FRMD4A: variants seen among roughly 807,000 people sequenced by gnomAD.
FRMD4A encodes FERM domain-containing protein 4A.
A neutral mutation model predicts 129.1 loss-of-function variants in FRMD4A; 29 were observed. The ratio of observed to expected loss-of-function variants is 0.22; its 90% CI spans 0.17 to 0.31. The LOEUF (loss-of-function observed/expected upper bound fraction) is 0.31, where lower values mean the gene tolerates loss of function less well. Ranked by LOEUF, FRMD4A falls within the 10% of genes least tolerant of loss-of-function variation. The pLI, the probability that FRMD4A is intolerant of heterozygous loss-of-function variation, is 1.00. For synonymous variants in FRMD4A, 634 were observed against 571.6 expected (o/e 1.11, Z -1.56); for missense variants, 1,272 against 1,375.8 (o/e 0.92, Z 1.19).
At chr10:13,760,262 C>T (rs1025957235) in intron 8 of FRMD4A, among the ~76,000 whole-genome samples, 1 of 152,016 alleles carries the variant, frequency 6.6e-6, no homozygotes, top group Admixed American at 6.6e-5. Context: ...AAAAGCTCGC[C>T]GATCCTTGTT....
At chr10:13,830,044 C>G (rs1215274488) in intron 3 of FRMD4A, among the ~76,000 whole-genome samples, 1 of 152,216 alleles carries the variant, frequency 6.6e-6, no homozygotes, top group Admixed American at 6.5e-5. Flanking sequence ...CCCACATGCC[C>G]TAGCTCTCTC....
At chr10:14,050,902 C>A (rs1459785459) in intron 2 of FRMD4A, among the ~76,000 whole-genome samples, 1 of 152,174 alleles carries the variant, frequency 6.6e-6, no homozygotes, top group Non-Finnish European at 1.5e-5. Context: ...ATAAGCAAAG[C>A]CTTTCCCTGA....
intron 2 of FRMD4A, among the ~76,000 whole-genome samples, chr10:14,100,921 A>G (rs1361969757): frequency 6.6e-6 from 1 of 152,140 alleles, no homozygotes; most frequent in African/African-American, 2.4e-5. Context: ...ACTTTGTACA[A>G]GTCTTTCGGC....
chr10:13,831,207 C>G (rs961601162), intron 3 of FRMD4A, among the ~76,000 whole-genome samples: 5 of 152,202 alleles, frequency 3.3e-5, no homozygotes, highest in African/African-American at 1.2e-4. Flanking sequence ...TTAGACCAAA[C>G]GCAATGCCTC....
intron 2 of FRMD4A, among the ~76,000 whole-genome samples, chr10:14,205,275 C>T (rs1003495526): frequency 2.1e-4 from 32 of 152,110 alleles, no homozygotes; most frequent in African/African-American, 7.7e-4. Flanking sequence ...TCCATAGCCA[C>T]ATGTAGCTGG....
intron 2 of FRMD4A, among the ~76,000 whole-genome samples, chr10:14,178,637 A>G (rs1015591433): frequency 6.6e-6 from 1 of 152,202 alleles, no homozygotes; most frequent in East Asian, 1.9e-4. Context: ...TTGTCAGATC[A>G]TTAGGCACCC....
intron 2 of FRMD4A, among the ~76,000 whole-genome samples, chr10:14,150,715 G>A (rs1840299067): frequency 6.6e-6 from 1 of 152,082 alleles, no homozygotes; most frequent in Admixed American, 6.6e-5. Flanking sequence ...CAGAGAGCCT[G>A]CTGCACTCAA....
chr10:13,689,841 G>A (rs1238727098), intron 15 of FRMD4A, among the ~76,000 whole-genome samples: 1 of 151,940 alleles, frequency 6.6e-6, no homozygotes, highest in Admixed American at 6.6e-5. Context: ...TCCTGAATAG[G>A]CGTGAGCCAC....
intron 2 of FRMD4A, among the ~76,000 whole-genome samples, chr10:14,267,846 C>T (rs962821846): frequency 1.3e-5 from 2 of 152,196 alleles, no homozygotes; most frequent in African/African-American, 4.8e-5. Context: ...GATACCTAAT[C>T]ACTCTGTAGG....
At chr10:13,955,700 A>G (rs1007541124) in intron 2 of FRMD4A, among the ~76,000 whole-genome samples, 17 of 152,258 alleles carry the variant, frequency 1.1e-4, no homozygotes, top group Non-Finnish European at 2.2e-4. Flanking sequence ...ACGTGGAGCC[A>G]GTGCCCTGCC....
At chr10:14,018,614 T>C (rs1020019921) in intron 2 of FRMD4A, among the ~76,000 whole-genome samples, 3 of 152,126 alleles carry the variant, frequency 2.0e-5, no homozygotes, top group African/African-American at 7.2e-5. Flanking sequence ...TTTTGGGGAC[T>C]TGATTGATAA....
chr10:14,185,632 G>GT (rs1374978413), intron 2 of FRMD4A, among the ~76,000 whole-genome samples: 2 of 152,158 alleles, frequency 1.3e-5, no homozygotes, highest in African/African-American at 4.8e-5. Flanking sequence ...ATACTTCATG[G>GT]TCAGAGAGCT....
chr10:14,200,512 C>G (rs1011456303), intron 2 of FRMD4A, among the ~76,000 whole-genome samples: 1 of 152,112 alleles, frequency 6.6e-6, no homozygotes, highest in Non-Finnish European at 1.5e-5. Flanking sequence ...AGGCTGATCT[C>G]GAACTCCTGA....
At chr10:13,909,117 C>A (rs971127360) in intron 2 of FRMD4A, among the ~76,000 whole-genome samples, 12 of 152,198 alleles carry the variant, frequency 7.9e-5, no homozygotes, top group Non-Finnish European at 1.8e-4. Flanking sequence ...TTGCTCATTA[C>A]ATATCTTTTT....
chr10:14,235,182 C>T (rs1843762867), intron 2 of FRMD4A, among the ~76,000 whole-genome samples: 1 of 150,368 alleles, frequency 6.7e-6, no homozygotes, highest in Non-Finnish European at 1.5e-5. Flanking sequence ...CGGAGTCTTG[C>T]TCTGTCGCCC....
intron 2 of FRMD4A, among the ~76,000 whole-genome samples, chr10:13,915,767 G>A (rs1035928632): frequency 2.6e-5 from 4 of 152,150 alleles, no homozygotes; most frequent in Admixed American, 6.5e-5. Context: ...TTCTGGAAGC[G>A]GTGGGTGAGT....
rs201548923 is a variant in FRMD4A at position 14,039,415 on chromosome 10, T to C, written c.46-180503A>G. ...CCATCCATCCATCCATCCATCTATC[T>C]ATCTATCTATCTATCTATATTGGAA... On this transcript the variant is annotated intron_variant, in intron 2 of 24. Coordinates refer to ENST00000357447, the MANE Select transcript of FRMD4A (RefSeq NM_018027.5). Among the ~76,000 whole-genome samples the C allele has an allele frequency of 2.3e-3, 312 of 133,038 alleles. 3 individuals carry two copies. The highest frequency in any genetic ancestry group is 7.0e-3 in the African/African-American group (260 of 37,364). 87.3% of individuals were successfully genotyped at this position (133,038 alleles called of 152,430 possible).
At chr10:14,147,423 C>G (rs775895778) in intron 2 of FRMD4A, among the ~76,000 whole-genome samples, 10 of 152,136 alleles carry the variant, frequency 6.6e-5, no homozygotes, top group Non-Finnish European at 1.0e-4. Context: ...GGAATGGTTT[C>G]AGGATGATTC....
intron 2 of FRMD4A, among the ~76,000 whole-genome samples, chr10:14,089,129 A>G (rs1449565472): frequency 6.6e-6 from 1 of 152,184 alleles, no homozygotes; most frequent in Non-Finnish European, 1.5e-5. Flanking sequence ...ATCAGCTGGG[A>G]AAGTCGATGG....
Sources: allele counts gnomAD v4.1 joint callset (sites outside exome capture counted in the v4.1 genomes callset), GRCh38; gene constraint gnomAD v4.1.1; transcripts MANE v1.5; gene names NCBI Gene and HGNC (gene_info 2026-07-23, HGNC 2026-07-21).